The following CPNE5 variants were observed in gnomAD, a reference collection of about 807,000 sequenced individuals.
CPNE5 encodes copine-5.
Under a neutral mutation model 81.1 loss-of-function variants are expected in CPNE5, and 42 were observed. The observed-to-expected ratio is 0.52, with a 90% confidence interval of 0.40 to 0.67. CPNE5 has a LOEUF of 0.67. Ranked by LOEUF, CPNE5 falls within the 30% of genes least tolerant of loss-of-function variation. The probability of loss-of-function intolerance (pLI) is 0.00; values close to 1 mark genes in which losing one functional copy is unlikely to be tolerated. For missense variants in CPNE5, 612 were observed against 815.5 expected (o/e 0.75, Z 3.04); for synonymous variants, 313 against 321.5 (o/e 0.97, Z 0.28).
chr6:36,776,086 G>A (rs150188343), intron 9 of CPNE5, among the ~76,000 whole-genome samples: 32 of 152,226 alleles, frequency 2.1e-4, no homozygotes, highest in African/African-American at 6.5e-4. Flanking sequence ...CCCGAATCTG[G>A]TGTCCCTGCC....
chr6:36,755,817 G>T, intron 13 of CPNE5: 1 of 186,846 alleles, frequency 5.4e-6, no homozygotes, highest in Non-Finnish European at 1.1e-5. Flanking sequence ...CCACTTTCTA[G>T]CTGTGTGACC....
At chr6:36,811,463 T>TGA (rs1262786985) in intron 3 of CPNE5, among the ~76,000 whole-genome samples, 1 of 152,236 alleles carries the variant, frequency 6.6e-6, no homozygotes, top group East Asian at 1.9e-4. Context: ...AGTAGGCTTG[T>TGA]GAGCCTAAGT....
At chr6:36,743,002 C>T (rs1177231573) in intron 20 of CPNE5, 1 of 985,460 alleles carries the variant, frequency 1.0e-6, no homozygotes, top group South Asian at 4.7e-5. Flanking sequence ...CTCCTGCCTC[C>T]AGGCCTTAGC....
chr6:36,769,574 G>A (rs1766875758), intron 10 of CPNE5, among the ~76,000 whole-genome samples: 1 of 152,250 alleles, frequency 6.6e-6, no homozygotes, highest in Admixed American at 6.5e-5. Flanking sequence ...GCCCTGAGGG[G>A]TTTTGCCTTA....
At chr6:36,826,415 C>T (rs1772507700) in intron 1 of CPNE5, among the ~76,000 whole-genome samples, 1 of 152,182 alleles carries the variant, frequency 6.6e-6, no homozygotes, top group Non-Finnish European at 1.5e-5. Context: ...TTATTCTTGC[C>T]ATCCTTCCAG....
chr6:36,822,190 T>C (rs1377891812), intron 2 of CPNE5, 30 bp from the exon 3 acceptor site: 14 of 1,474,886 alleles, frequency 9.5e-6, no homozygotes, highest in East Asian at 5.1e-5. Context: ...AGTGGATTAA[T>C]ACCTCAGGCC....
In CPNE5 at chr6:36,743,308, C is replaced by T. The variant is rs749264030; in HGVS notation, c.1563+381G>A. 7.2e-5 allele frequency: 60 copies of T among 829,490 alleles called. No individual in the cohort carries two copies. In the Admixed American group the frequency reaches 1.5e-3, roughly 21 times the overall value. 51.4% of individuals were successfully genotyped at this position (829,490 alleles called of 1,614,324 possible). The stretch of plus-strand genomic sequence containing the variant: ...GAGATGCTTACATTGATTCAGTTAA[C>T]CGAGCAATGCCTATTCTTGGAGAAG... On this transcript the variant is annotated intron_variant, in intron 20 of 20. Transcript: ENST00000244751.
In CPNE5 at chr6:36,747,174, C is replaced by T. The variant is rs185407375; in HGVS notation, c.1019-597G>A. Among the ~76,000 whole-genome samples the T allele has an allele frequency of 2.6e-4, 40 of 152,304 alleles. No individual in the cohort carries two copies. In the East Asian group the frequency reaches 5.2e-3, roughly 20 times the overall value. ...GGTCTCTGCTCAAGTGTCACCTCCT[C>T]AGTGTGATCTTTTCCAAGCAGCCTA... On this transcript the variant is annotated intron_variant, in intron 15 of 20. Transcript: ENST00000244751.
At chr6:36,779,715 C>G (rs1420061286) in intron 8 of CPNE5, among the ~76,000 whole-genome samples, 2 of 152,240 alleles carry the variant, frequency 1.3e-5, no homozygotes, top group African/African-American at 2.4e-5. Flanking sequence ...GCTGACCCAA[C>G]ACGCAGAGGT....
At chr6:36,799,256 CTG>C (rs2150527073) in intron 4 of CPNE5, among the ~76,000 whole-genome samples, 1 of 152,286 alleles carries the variant, frequency 6.6e-6, no homozygotes, top group South Asian at 2.1e-4. Context: ...CTACAATAGG[CTG>C]TGTTGACTCT....
At chr6:36,816,032 G>C (rs1188925131) in intron 3 of CPNE5, among the ~76,000 whole-genome samples, 1 of 152,222 alleles carries the variant, frequency 6.6e-6, no homozygotes, top group Non-Finnish European at 1.5e-5. Context: ...CCCAGTGGAA[G>C]CATTTCTGGG....
intron 14 of CPNE5, among the ~76,000 whole-genome samples, chr6:36,751,933 G>A (rs78720743): frequency 0.068 from 10,322 of 152,204 alleles, 429 homozygotes; most frequent in Middle Eastern, 0.12. Context: ...AATTTTGATG[G>A]GGGAAGAGTG....
intron 8 of CPNE5, among the ~76,000 whole-genome samples, chr6:36,786,583 A>G (rs900182066): frequency 1.3e-5 from 2 of 152,234 alleles, no homozygotes; most frequent in Non-Finnish European, 2.9e-5. Context: ...TGTTCAAAAG[A>G]AAAACAGGAC....
chr6:36,778,708 G>A (rs972697298), intron 9 of CPNE5, 146 bp downstream of exon 9: 22 of 625,630 alleles, frequency 3.5e-5, no homozygotes, highest in Non-Finnish European at 4.6e-5. Context: ...CTGGGGCCCC[G>A]GACTTCCACC....
At position 36,762,227 on chromosome 6, in the gene CPNE5, C is replaced by CAAAA. The variant is rs57426698; in HGVS notation, c.855+686_855+689dup. On this transcript the variant is annotated intron_variant, in intron 12 of 20. Coordinates refer to ENST00000244751, the MANE Select transcript of CPNE5 (RefSeq NM_020939.2). ...AGGGCAACAGAGTGAGGCCCTGTCT[C>CAAAA]AAAAAAAAAAAAAAAAGAGGGAGAA... is the stretch of plus-strand genomic sequence containing the variant. Among the ~76,000 whole-genome samples the CAAAA allele has an allele frequency of 5.4e-3, 669 of 122,924 alleles. 12 individuals are homozygous for CAAAA. Among genetic ancestry groups the CAAAA allele is most frequent in the African/African-American group, 0.02 (622 of 31,280 alleles). The allele number at this position is 122,924 out of a possible 152,430, so 80.6% of individuals were successfully genotyped here.
chr6:36,832,157 C>T (rs544729836), intron 1 of CPNE5, among the ~76,000 whole-genome samples: 1 of 152,378 alleles, frequency 6.6e-6, no homozygotes, highest in South Asian at 2.1e-4. Context: ...TCACCTAACA[C>T]TGTCCACTGT....
chr6:36,744,479 G>A (rs1763904698), intron 18 of CPNE5, 154 bp from the exon 19 acceptor site: 2 of 653,190 alleles, frequency 3.1e-6, no homozygotes, highest in Admixed American at 4.6e-5. Context: ...AGGGGGTAGG[G>A]AGAGGGAGGG....
Position 36,839,037 on chromosome 6 carries a change from T to G in CPNE5, c.95+246A>C, listed in dbSNP as rs985351322. On this transcript the variant is annotated intron_variant, in intron 1 of 20. Coordinates refer to ENST00000244751, the MANE Select transcript of CPNE5 (RefSeq NM_020939.2). This position sits in a 1 kb window ranked among gnomAD's most constrained non-coding sequence, Gnocchi z 7.3. The stretch of plus-strand genomic sequence containing the variant: ...GACCCCCTGTTCCTGTGTCTTCATA[T>G]CTCCTCGATGCAACAGCCTGGAGCG... Among the ~76,000 whole-genome samples the G allele has an allele frequency of 1.1e-4, 16 of 152,268 alleles. No individual in the cohort carries two copies. The highest frequency in any genetic ancestry group is 5.2e-4 in the Admixed American group (8 of 15,302).
intron 10 of CPNE5, among the ~76,000 whole-genome samples, chr6:36,770,855 G>T (rs935106236): frequency 6.6e-6 from 1 of 151,978 alleles, no homozygotes; most frequent in African/African-American, 2.4e-5. Context: ...ACTTAAGAAG[G>T]ATAATTTTTT....
Sources: gnomAD v4.1 joint callset for allele counts (sites outside exome capture counted in the v4.1 genomes callset) on GRCh38, gnomAD v4.1.1 for gene constraint, Gnocchi (gnomAD v3.1) non-coding constraint, MANE v1.5 for transcripts, NCBI Gene and HGNC (gene_info 2026-07-23, HGNC 2026-07-21) for gene names.